DMXL1: variants seen among roughly 807,000 people sequenced by gnomAD.
DMXL1 encodes dmX-like protein 1.
Under a neutral mutation model 319.2 loss-of-function variants are expected in DMXL1, and 99 were observed. The observed-to-expected ratio is 0.31, with a 90% confidence interval of 0.26 to 0.37. The LOEUF is 0.37. Ranked by LOEUF, DMXL1 falls within the 10% of genes least tolerant of loss-of-function variation. DMXL1 has a pLI of 1.00. For synonymous variants in DMXL1, 1,385 were observed against 1,235.2 expected, an observed-to-expected ratio of 1.12 and a Z score of -2.54; for missense variants, 3,745 against 3,595.6, an observed-to-expected ratio of 1.04 and a Z score of -1.06.
intron 13 of DMXL1, among the ~76,000 whole-genome samples, chr5:119,139,523 CAAAG>C (rs1561695272): frequency 6.6e-6 from 1 of 152,110 alleles, no homozygotes; most frequent in South Asian, 2.1e-4. Flanking sequence ...TAGAAAAAGA[CAAAG>C]AAGGGCATTA....
intron 32 of DMXL1, among the ~76,000 whole-genome samples, chr5:119,200,564 G>A (rs921862400): frequency 3.3e-5 from 5 of 151,988 alleles, no homozygotes; most frequent in African/African-American, 7.2e-5. Flanking sequence ...CTCTTTTTAC[G>A]TTCCATATTA....
chr5:119,159,253 C>G (rs1323638051), intron 19 of DMXL1, among the ~76,000 whole-genome samples: 1 of 152,136 alleles, frequency 6.6e-6, no homozygotes, highest in Non-Finnish European at 1.5e-5. Flanking sequence ...CTACTTCAGC[C>G]TCCTGAGTAG....
At chr5:119,240,522 C>G (rs1428785983) in intron 42 of DMXL1, 51 bp downstream of exon 42, 1 of 1,226,364 alleles carries the variant, frequency 8.2e-7, no homozygotes, top group Non-Finnish European at 1.2e-6. Context: ...AATTCATAAG[C>G]TAAATATTAT....
Position 119,170,170 on chromosome 5 carries a change from TA to T in DMXL1, c.5399-16del. 1 of 1,573,580 alleles carries T rather than the reference TA, an allele frequency of 6.4e-7. No homozygotes were observed. The highest frequency in any genetic ancestry group is 1.4e-5 in the African/African-American group (1 of 73,164). On this transcript the variant is annotated intron_variant, in intron 23 of 43. Coordinates refer to ENST00000539542, the MANE Select transcript of DMXL1 (RefSeq NM_001290321.3). ...ACAGTTCATAACTTTTCTTGGCTCA[TA>T]AAATGAATTTACTTTCAGATCAAGT...
Position 119,216,921 on chromosome 5 carries a change from T to C in DMXL1, c.7947T>C (p.Tyr2649=), listed in dbSNP as rs768907358. 3 of 1,599,824 alleles carry C rather than the reference T, an allele frequency of 1.9e-6. No individual in the cohort carries two copies. Among genetic ancestry groups the C allele is most frequent in the Non-Finnish European group, 2.6e-6 (3 of 1,173,346 alleles). The change falls in exon 35 of 44, where the codon TAT becomes TAC. Residue 2649 remains tyrosine (Y), a synonymous_variant. Transcript: ENST00000539542. The part of the protein sequence containing the change: ...NINKIEADLG[Y]PGGKARIIHK... Reference sequence around the variant, plus strand: ...TTTAGATAGAAGCAGATTTGGGATATCCTGGAGGTAAAGCAAGAATTATTC... The same window carrying C: ...TTTAGATAGAAGCAGATTTGGGATACCCTGGAGGTAAAGCAAGAATTATTC...
intron 31 of DMXL1, among the ~76,000 whole-genome samples, chr5:119,196,924 T>A (rs2150410399): frequency 6.6e-6 from 1 of 152,300 alleles, no homozygotes; most frequent in East Asian, 1.9e-4. Flanking sequence ...TAAGACACTA[T>A]CATAATGATG....
chr5:119,082,854 C>A (rs1000006788), intron 1 of DMXL1, among the ~76,000 whole-genome samples: 1 of 152,206 alleles, frequency 6.6e-6, no homozygotes, highest in Non-Finnish European at 1.5e-5. Flanking sequence ...TATTCAACTT[C>A]TCTTCATCGT....
At chr5:119,244,261 GATTGCAA>G in intron 42 of DMXL1, 91 bp from the exon 43 acceptor site, 1 of 848,126 alleles carries the variant, frequency 1.2e-6, no homozygotes, top group Non-Finnish European at 1.8e-6. Flanking sequence ...TTTCAGGCAG[GATTGCAA>G]ATCTGGTCTA....
intron 24 of DMXL1, among the ~76,000 whole-genome samples, 195 bp downstream of exon 24, chr5:119,171,475 G>C (rs76814959): frequency 0.022 from 3,378 of 152,114 alleles, 131 homozygotes; most frequent in African/African-American, 0.077. Context: ...TCAGTATCAG[G>C]CCTTATGACC....
chr5:119,135,169 T>C (rs549056320), intron 13 of DMXL1, among the ~76,000 whole-genome samples: 38 of 151,412 alleles, frequency 2.5e-4, no homozygotes, highest in Non-Finnish European at 1.2e-4. Flanking sequence ...TAGAAATGTA[T>C]ATATTTTGGG....
At chr5:119,184,799 G>GAC (rs1376332266) in intron 28 of DMXL1, among the ~76,000 whole-genome samples, 1 of 152,038 alleles carries the variant, frequency 6.6e-6, no homozygotes, top group African/African-American at 2.4e-5. Flanking sequence ...TGTAGCTTGC[G>GAC]ACAGAATTTC....
intron 34 of DMXL1, among the ~76,000 whole-genome samples, chr5:119,209,037 T>C (rs1038186886): frequency 6.6e-6 from 1 of 152,240 alleles, no homozygotes; most frequent in South Asian, 2.1e-4. Context: ...TTGTGTGTTT[T>C]AGTAGTTCAT....
intron 17 of DMXL1, 99 bp from the exon 18 acceptor site, chr5:119,148,640 T>G: frequency 8.5e-7 from 1 of 1,176,284 alleles, no homozygotes; most frequent in Non-Finnish European, 1.2e-6. Flanking sequence ...TTTGTTCATA[T>G]TTATAGTAGT....
intron 3 of DMXL1, among the ~76,000 whole-genome samples, chr5:119,103,884 C>T (rs1237582327): frequency 1.3e-5 from 2 of 152,094 alleles, no homozygotes; most frequent in South Asian, 4.1e-4. Flanking sequence ...CCCATTTTCT[C>T]CTTTCCTAAT....
Position 119,118,949 on chromosome 5 carries a change from C to G in DMXL1, c.878C>G (p.Thr293Arg). The change falls in exon 8 of 44, where the codon ACA becomes AGA. Residue 293 changes from threonine to arginine, a missense_variant. This residue lies in a region of DMXL1 where 2,096 missense variants were observed against 1,985.4 expected (regional missense o/e 1.06). Coordinates refer to ENST00000539542, the MANE Select transcript of DMXL1 (RefSeq NM_001290321.3). The stretch of plus-strand genomic sequence containing the variant: ...CATTGGACTGAATCAATTAATTTAA[C>G]AAATAACTTCAAGAGAAATGCTTCC... The part of the protein sequence containing the change: ...CSHWTESINL[T>R]NNFKRNASSK... 6.2e-7 allele frequency: 1 copy of G among 1,613,408 alleles called. No individual in the cohort carries two copies. The highest frequency in any genetic ancestry group is 8.5e-7 in the Non-Finnish European group (1 of 1,179,798).
intron 13 of DMXL1, among the ~76,000 whole-genome samples, chr5:119,134,907 G>T (rs943062073): frequency 1.3e-5 from 2 of 152,182 alleles, no homozygotes; most frequent in Non-Finnish European, 2.9e-5. Context: ...ACAAGCAAGC[G>T]TTTCCACTTT....
At chr5:119,218,826 A>AT (rs1180949942) in intron 35 of DMXL1, among the ~76,000 whole-genome samples, 3 of 152,146 alleles carry the variant, frequency 2.0e-5, no homozygotes, top group Non-Finnish European at 4.4e-5. Context: ...TTTAAGTTGC[A>AT]TTTTTTTAAA....
rs775413924 is a variant in DMXL1 at position 119,217,014 on chromosome 5, TTTA to T, written c.8013+31_8013+33del. The T allele has an allele frequency of 4.0e-5, 51 of 1,271,576 alleles. No homozygotes were observed. The African/African-American group carries it at 6.6e-4, about 16-fold the overall frequency. 78.8% of individuals were successfully genotyped at this position (1,271,576 alleles called of 1,614,324 possible). ...TAAGTACATAGACATTCTTCTTTTG[TTTA>T]TTAAGTATTTATAGTTGGATAATAT... is the stretch of plus-strand genomic sequence containing the variant. On this transcript the variant is annotated intron_variant, in intron 35 of 43. Coordinates refer to ENST00000539542, the MANE Select transcript of DMXL1 (RefSeq NM_001290321.3).
chr5:119,235,116 G>T (rs1787501512), intron 39 of DMXL1, among the ~76,000 whole-genome samples: 1 of 152,068 alleles, frequency 6.6e-6, no homozygotes, highest in Non-Finnish European at 1.5e-5. Flanking sequence ...GTAAATGGAA[G>T]AGATAACTCA....
Sources: allele counts gnomAD v4.1 joint callset (sites outside exome capture counted in the v4.1 genomes callset), GRCh38; gene constraint gnomAD v4.1.1; regional missense constraint gnomAD v4.1.1; transcripts MANE v1.5; gene names NCBI Gene and HGNC (gene_info 2026-07-23, HGNC 2026-07-21).